LONRF2: variants seen among roughly 807,000 people sequenced by gnomAD.
The protein encoded by LONRF2 is LON peptidase N-terminal domain and RING finger protein 2.
LONRF2 carries 35 observed loss-of-function variants against 66.6 expected under a neutral mutation model. The ratio of observed to expected loss-of-function variants is 0.53; its 90% CI spans 0.40 to 0.70. LONRF2 has a LOEUF of 0.70. LONRF2 is among the 30% of genes least tolerant of loss of function. LONRF2 has a pLI of 0.00. For synonymous variants in LONRF2, 417 were observed against 418.1 expected, an observed-to-expected ratio of 1.00 and a Z score of 0.03; for missense variants, 902 against 1,002.1, an observed-to-expected ratio of 0.90 and a Z score of 1.35.
At chr2:100,301,284 G>A (rs555925067) in intron 3 of LONRF2, among the ~76,000 whole-genome samples, 1 of 152,348 alleles carries the variant, frequency 6.6e-6, no homozygotes, top group African/African-American at 2.4e-5. Context: ...TGGCATTGGT[G>A]GGGGCAGGGG....
intron 1 of LONRF2, among the ~76,000 whole-genome samples, chr2:100,320,562 T>G (rs1403040177): frequency 6.6e-6 from 1 of 152,198 alleles, no homozygotes; most frequent in Admixed American, 6.5e-5. Context: ...TAGTAGATTA[T>G]TTTAGTAACA....
At chr2:100,295,111 A>G (rs552404444) in intron 8 of LONRF2, among the ~76,000 whole-genome samples, 3 of 152,046 alleles carry the variant, frequency 2.0e-5, no homozygotes, top group African/African-American at 4.8e-5. Flanking sequence ...TGGCCTCCCA[A>G]AATGCTAGGA....
At position 100,303,372 on chromosome 2, in the gene LONRF2, C is replaced by A. The variant is rs189271884; in HGVS notation, c.799-329G>T. 1.8e-4 allele frequency among the ~76,000 whole-genome samples: 27 copies of A among 152,340 alleles called. No homozygotes were observed. In the East Asian group the frequency reaches 2.9e-3, roughly 16 times the overall value. On this transcript the variant is annotated intron_variant, in intron 2 of 11. Coordinates refer to ENST00000393437, the MANE Select transcript of LONRF2 (RefSeq NM_198461.4). ...TTCAGCAGTTACAGGTCATTACCAT[C>A]TTCCTGGCTTCCAGGAGTTTACAGT...
chr2:100,284,498 A>G lies in LONRF2; in HGVS notation c.2071-6T>C, dbSNP rs1296029891. On this transcript the variant is annotated splice_polypyrimidine_tract_variant and splice_region_variant and intron_variant, in intron 11 of 11. Coordinates refer to ENST00000393437, the MANE Select transcript of LONRF2 (RefSeq NM_198461.4). ...GCAGGGCCGCTGGGATTACTCTGCA[A>G]AAGAGATGAGGGGAAAGCAAGGTTA... 3 of 1,556,978 alleles carry G rather than the reference A, an allele frequency of 1.9e-6. No individual in the cohort carries two copies. The highest frequency in any genetic ancestry group is 1.8e-4 in the Middle Eastern group (1 of 5,406).
intron 8 of LONRF2, 26 bp from the exon 9 acceptor site, chr2:100,294,413 T>G: frequency 6.5e-7 from 1 of 1,533,638 alleles, no homozygotes; most frequent in Non-Finnish European, 8.7e-7. Flanking sequence ...ACATGTTATC[T>G]CAGATGTATG....
At chr2:100,313,823 A>G (rs954583303) in intron 1 of LONRF2, among the ~76,000 whole-genome samples, 12 of 152,118 alleles carry the variant, frequency 7.9e-5, no homozygotes, top group African/African-American at 2.9e-4. Context: ...ACTTCTATAA[A>G]TGGATATTTA....
rs887248464 is a variant in LONRF2, at chr2:100,276,103, A to G, written c.*8195T>C. 5 of 152,236 alleles carry G rather than the reference A, an allele frequency of 3.3e-5. No homozygotes were observed. The highest frequency in any genetic ancestry group is 5.9e-5 in the Non-Finnish European group (4 of 68,050). The allele number at this position is 152,236 out of a possible 1,614,324, so 9.4% of individuals were successfully genotyped here. A position where few individuals can be genotyped will look rare whatever the true frequency, so the allele number is the denominator to read the frequency against. On this transcript the variant is annotated 3_prime_UTR_variant, in exon 12 of 12. Transcript: ENST00000393437. ...AACAAATTATATACTAATATTACAA[A>G]TAAATAAGATGTATATACTGAAACA...
chr2:100,321,282 G>A (rs1675617715), intron 1 of LONRF2, 133 bp downstream of exon 1: 1 of 799,752 alleles, frequency 1.3e-6, no homozygotes, highest in African/African-American at 1.8e-5. Context: ...CCCATCCTTA[G>A]GAAGCAAAGT....
At position 100,272,649 on chromosome 2, in the gene LONRF2, T is replaced by C. The variant is rs1424230940; in HGVS notation, c.*11649A>G. ...GTATTTTGTAGAGTGTTATGCTGTTTTAAATATTGTAATTTATGCCTCTAA... is the reference window on the plus strand; with the variant it reads ...GTATTTTGTAGAGTGTTATGCTGTTCTAAATATTGTAATTTATGCCTCTAA... On this transcript the variant is annotated 3_prime_UTR_variant, in exon 12 of 12. Transcript: ENST00000393437. 6.6e-6 allele frequency among the ~76,000 whole-genome samples: 1 copy of C among 152,214 alleles called. No homozygotes were observed. Among genetic ancestry groups the C allele is most frequent in the Non-Finnish European group, 1.5e-5 (1 of 68,036 alleles).
At chr2:100,309,940 T>A (rs966622739) in intron 1 of LONRF2, among the ~76,000 whole-genome samples, 3 of 152,216 alleles carry the variant, frequency 2.0e-5, no homozygotes, top group African/African-American at 7.2e-5. Context: ...CCCAAAGTGC[T>A]GGGATTACAG....
intron 10 of LONRF2, among the ~76,000 whole-genome samples, 178 bp downstream of exon 10, chr2:100,290,080 C>T (rs759240276): frequency 9.9e-5 from 15 of 152,092 alleles, no homozygotes; most frequent in Non-Finnish European, 1.9e-4. Flanking sequence ...GCACTCTAGC[C>T]TGCACGACAG....
chr2:100,300,020 G>GGC (rs1553540615), intron 4 of LONRF2, 102 bp from the exon 5 acceptor site: 14 of 461,938 alleles, frequency 3.0e-5, no homozygotes, highest in East Asian at 8.4e-5. Context: ...GAAAAAAAAA[G>GGC]GGGGGGGCAT....
chr2:100,299,083 T>C (rs989773965), intron 6 of LONRF2, 133 bp from the exon 7 acceptor site: 2 of 846,022 alleles, frequency 2.4e-6, no homozygotes, highest in African/African-American at 3.4e-5. Flanking sequence ...TCATTTTATA[T>C]CTTATTAAAT....
At chr2:100,307,088 T>C (rs1045326542) in intron 2 of LONRF2, among the ~76,000 whole-genome samples, 4 of 151,958 alleles carry the variant, frequency 2.6e-5, no homozygotes, top group African/African-American at 4.8e-5. Context: ...GCCCAGCTAA[T>C]TTTTTGTATT....
Position 100,299,234 on chromosome 2 carries a change from G to C in LONRF2, c.1353C>G (p.Leu451=). 6.3e-7 allele frequency: 1 copy of C among 1,583,488 alleles called. No homozygotes were observed. Among genetic ancestry groups the C allele is most frequent in the Non-Finnish European group, 8.6e-7 (1 of 1,163,274 alleles). The change falls in exon 6 of 12, where the codon CTC becomes CTG. Residue 451 remains leucine (L), a synonymous_variant. Transcript: ENST00000393437. The part of the protein sequence containing the change: ...SLDVTDFECA[L]CMRLLFEPVT... The stretch of plus-strand genomic sequence containing the variant: ...ATTCTGTACCATCCTACCTCATGCA[G>C]AGGGCACACTCAAAGTCAGTTACAT...
rs1404543920 is a variant in LONRF2, at chr2:100,284,408, T to C, written c.2155A>G (p.Met719Val). 6.2e-7 allele frequency: 1 copy of C among 1,605,598 alleles called. No individual in the cohort carries two copies. Among genetic ancestry groups the C allele is most frequent in the Admixed American group, 1.7e-5 (1 of 59,080 alleles). ...ERKAQLAILG[M>V]TSLKERLLAI... ...AGGAGCCGCTCTTTGAGCGAGGTCA[T>C]GCCGAGGATGGCCAGCTGAGCCTTG... Residue 719 changes from methionine to valine, a missense_variant, in exon 12 of 12, where the codon ATG becomes GTG. This residue lies in a region of LONRF2 where 317 missense variants were observed against 432.2 expected (regional missense o/e 0.73). Coordinates refer to ENST00000393437, the MANE Select transcript of LONRF2 (RefSeq NM_198461.4).
rs184118488 is a variant in LONRF2 at position 100,321,743 on chromosome 2, G to A, written c.351C>T (p.Asn117=). 0.11 allele frequency: 119,315 copies of A among 1,087,808 alleles called. 7,054 individuals carry two copies. The highest frequency in any genetic ancestry group is 0.14 in the Middle Eastern group (346 of 2,458). The allele number at this position is 1,087,808 out of a possible 1,614,324, so 67.4% of individuals were successfully genotyped here. The stretch of plus-strand genomic sequence containing the variant: ...CGGGCGCCTCGGGCTCGCCGCCCGG[G>A]TTCTCCGCGGACAGCGGCCGGTCGC... ...GLRDRPLSAE[N]PGGEPEAPGE... Residue 117 remains asparagine, a synonymous_variant, in exon 1 of 12, where the codon AAC becomes AAT. Transcript: ENST00000393437.
At chr2:100,308,162 G>A (rs1462179867) in intron 2 of LONRF2, among the ~76,000 whole-genome samples, 1 of 152,082 alleles carries the variant, frequency 6.6e-6, no homozygotes. Flanking sequence ...GAGGTCAGGA[G>A]ATCGAGACCA....
At chr2:100,296,919 T>C (rs1318745014) in intron 7 of LONRF2, among the ~76,000 whole-genome samples, 4 of 152,204 alleles carry the variant, frequency 2.6e-5, no homozygotes, top group Non-Finnish European at 5.9e-5. Flanking sequence ...GACTCCCGCA[T>C]TGAAGAAAGA....
Sources: allele counts gnomAD v4.1 joint callset (sites outside exome capture counted in the v4.1 genomes callset), GRCh38; gene constraint gnomAD v4.1.1; regional missense constraint gnomAD v4.1.1; transcripts MANE v1.5; gene names NCBI Gene and HGNC (gene_info 2026-07-23, HGNC 2026-07-21).